NEDD1: variants seen among roughly 807,000 people sequenced by gnomAD.
The protein encoded by NEDD1 is protein NEDD1.
In NEDD1, 33 loss-of-function variants were observed where a neutral mutation model predicts 74.0. The observed-to-expected ratio is 0.45, with a 90% CI of 0.34 to 0.60. NEDD1 has a LOEUF of 0.60. Among genes scored for constraint, NEDD1 ranks in the 20% least tolerant of loss-of-function variants. The pLI is 0.01. For missense variants in NEDD1, 746 were observed against 776.5 expected, an observed-to-expected ratio of 0.96 and a Z score of 0.47; for synonymous variants, 250 against 264.4, an observed-to-expected ratio of 0.95 and a Z score of 0.53.
rs1463035605 is a variant in NEDD1 at position 96,907,815 on chromosome 12, TGTA to T, written c.-49_-47del. 12 of 1,459,432 alleles carry T rather than the reference TGTA, an allele frequency of 8.2e-6. No homozygotes were observed. The highest frequency in any genetic ancestry group is 1.1e-5 in the Non-Finnish European group (12 of 1,105,530). 90.4% of individuals were successfully genotyped at this position (1,459,432 alleles called of 1,614,324 possible). On this transcript the variant is annotated 5_prime_UTR_variant, in exon 2 of 16. The change abolishes an upstream ATG in the 5' untranslated region. Coordinates refer to ENST00000266742, the MANE Select transcript of NEDD1 (RefSeq NM_152905.4). ...GACGGGACCGTCTTTGAGGGACTCA[TGTA>T]AAGTCTCTCCCTTAATGCTCAGTTC... is the stretch of plus-strand genomic sequence containing the variant.
At chr12:96,946,455 G>A (rs751481510) in intron 14 of NEDD1, among the ~76,000 whole-genome samples, 10 of 152,062 alleles carry the variant, frequency 6.6e-5, no homozygotes, top group Non-Finnish European at 8.8e-5. Context: ...TATAGTTAAT[G>A]TTGTAGCTCA....
intron 6 of NEDD1, among the ~76,000 whole-genome samples, chr12:96,931,693 A>G (rs1048621066): frequency 9.2e-5 from 14 of 152,336 alleles, no homozygotes; most frequent in African/African-American, 3.1e-4. Context: ...ATACTCATGC[A>G]TTCATATCTT....
Position 96,947,194 on chromosome 12 carries a change from AC to A in NEDD1, c.1811+1346del, listed in dbSNP as rs535823135. ...TTCCCTAAGTTCTGTTATTTTTAATACACAGTGTTAAAGAATATACGTTTTT... is the reference window on the plus strand; with the variant it reads ...TTCCCTAAGTTCTGTTATTTTTAATAACAGTGTTAAAGAATATACGTTTTT... On this transcript the variant is annotated intron_variant, in intron 14 of 15. Transcript: ENST00000266742. Among the ~76,000 whole-genome samples the A allele has an allele frequency of 2.0e-5, 3 of 152,246 alleles. No individual in the cohort carries two copies. In the South Asian group the frequency reaches 6.2e-4, roughly 32 times the overall value.
At chr12:96,928,661 G>T (rs1875984505) in intron 6 of NEDD1, among the ~76,000 whole-genome samples, 2 of 133,842 alleles carry the variant, frequency 1.5e-5, no homozygotes, top group African/African-American at 2.7e-5. Context: ...TATTGCTATT[G>T]TTAGGTACAT....
intron 5 of NEDD1, among the ~76,000 whole-genome samples, 166 bp from the exon 6 acceptor site, chr12:96,919,819 T>C (rs1193477721): frequency 6.6e-6 from 1 of 152,232 alleles, no homozygotes; most frequent in Admixed American, 6.5e-5. Flanking sequence ...GTAAAGTGCC[T>C]GGACCATTTT....
At chr12:96,943,533 T>G in intron 11 of NEDD1, 27 bp from the exon 12 acceptor site, 2 of 1,539,456 alleles carry the variant, frequency 1.3e-6, no homozygotes, top group Non-Finnish European at 1.8e-6. Flanking sequence ...GGACACCATA[T>G]GCACATGCAG....
intron 7 of NEDD1, 85 bp from the exon 8 acceptor site, chr12:96,936,526 T>C: frequency 1.2e-6 from 1 of 848,776 alleles, no homozygotes; most frequent in Non-Finnish European, 2.0e-6. Context: ...TTAATAACTC[T>C]GGTTTTGGTA....
intron 4 of NEDD1, 125 bp from the exon 5 acceptor site, chr12:96,917,496 T>G: frequency 9.0e-7 from 1 of 1,111,972 alleles, no homozygotes; most frequent in Non-Finnish European, 1.2e-6. Context: ...AGTACAAGAT[T>G]AGCATGTTTA....
intron 9 of NEDD1, among the ~76,000 whole-genome samples, chr12:96,939,669 G>C (rs1877473676): frequency 6.6e-6 from 1 of 151,976 alleles, no homozygotes. Context: ...CTCCAGTAAT[G>C]AAACAGAAGC....
intron 2 of NEDD1, among the ~76,000 whole-genome samples, chr12:96,909,369 A>T (rs932875062): frequency 6.6e-6 from 1 of 152,164 alleles, no homozygotes; most frequent in Non-Finnish European, 1.5e-5. Context: ...GGAGATGACC[A>T]TGGGAATCTG....
At chr12:96,920,964 T>C (rs1592874461) in intron 6 of NEDD1, among the ~76,000 whole-genome samples, 2 of 152,172 alleles carry the variant, frequency 1.3e-5, no homozygotes, top group Non-Finnish European at 2.9e-5. Flanking sequence ...AATACAGATA[T>C]ATAAATGGTA....
chr12:96,916,230 T>TTTATTATTATTA (rs140210892), intron 4 of NEDD1, among the ~76,000 whole-genome samples: 2,505 of 145,388 alleles, frequency 0.017, 32 homozygotes, highest in Middle Eastern at 0.04. Context: ...CCGTTGAAGA[T>TTTATTATTATTA]TTATTATTAT....
intron 4 of NEDD1, among the ~76,000 whole-genome samples, chr12:96,913,512 T>C (rs1874137674): frequency 6.6e-6 from 1 of 152,158 alleles, no homozygotes; most frequent in Non-Finnish European, 1.5e-5. Context: ...TGGCAGGGAT[T>C]ACAGGTGCCC....
At chr12:96,941,101 C>T (rs1024230356) in intron 10 of NEDD1, among the ~76,000 whole-genome samples, 1 of 151,984 alleles carries the variant, frequency 6.6e-6, no homozygotes, top group African/African-American at 2.4e-5. Flanking sequence ...TACCTCATTG[C>T]TAACAGCAAT....
At position 96,909,021 on chromosome 12, in the gene NEDD1, A is replaced by G. The variant is rs188586091; in HGVS notation, c.-8-731A>G. The stretch of plus-strand genomic sequence containing the variant: ...GAGAAACCCCGTCTCTACTAAAAAT[A>G]CAAAATTAGCCGGGTGTGGTGGTGC... On this transcript the variant is annotated intron_variant, in intron 2 of 15. Transcript: ENST00000266742. 4.4e-3 allele frequency among the ~76,000 whole-genome samples: 676 copies of G among 152,132 alleles called. 4 individuals carry two copies. The highest frequency in any genetic ancestry group is 0.015 in the African/African-American group (643 of 41,498).
intron 4 of NEDD1, among the ~76,000 whole-genome samples, chr12:96,915,015 A>G (rs1040082859): frequency 6.6e-6 from 1 of 152,210 alleles, no homozygotes; most frequent in Non-Finnish European, 1.5e-5. Flanking sequence ...CTGTTTTGAT[A>G]GTTCTTAGCA....
intron 6 of NEDD1, among the ~76,000 whole-genome samples, chr12:96,923,108 C>A (rs1319572993): frequency 1.3e-5 from 2 of 149,792 alleles, no homozygotes; most frequent in African/African-American, 4.9e-5. Flanking sequence ...CAGAGTGAGA[C>A]CCTGTCTCAA....
chr12:96,940,560 G>C (rs760029047), intron 10 of NEDD1, 23 bp downstream of exon 10: 3 of 1,548,104 alleles, frequency 1.9e-6, no homozygotes, highest in African/African-American at 1.4e-5. Flanking sequence ...AGAGGATCCT[G>C]TTCTCTTGCT....
Position 96,945,676 on chromosome 12 carries a change from T to G in NEDD1, c.1655-17T>G. The G allele has an allele frequency of 6.5e-7, 1 of 1,526,806 alleles. No individual in the cohort carries two copies. The highest frequency in any genetic ancestry group is 9.1e-7 in the Non-Finnish European group (1 of 1,103,246). The allele number at this position is 1,526,806 out of a possible 1,614,324, so 94.6% of individuals were successfully genotyped here. ...GTCCAAGTTGACTATTAATATTTTC[T>G]TCATTCTTTATTTTAGATCCAAAGA... On this transcript the variant is annotated splice_polypyrimidine_tract_variant and intron_variant, in intron 13 of 15. Coordinates refer to ENST00000266742, the MANE Select transcript of NEDD1 (RefSeq NM_152905.4).
Sources: gnomAD v4.1 joint callset for allele counts (sites outside exome capture counted in the v4.1 genomes callset) on GRCh38, gnomAD v4.1.1 for gene constraint, MANE v1.5 for transcripts, NCBI Gene and HGNC (gene_info 2026-07-23, HGNC 2026-07-21) for gene names.